The following EXO1 variants were observed in gnomAD, a reference collection of about 807,000 sequenced individuals.
EXO1 encodes exonuclease 1.
A neutral mutation model predicts 84.5 loss-of-function variants in EXO1; 69 were observed. The ratio of observed to expected loss-of-function variants is 0.82; its 90% CI spans 0.67 to 1.00. EXO1 has a LOEUF of 1.00. Ranked by LOEUF, EXO1 falls within the 50% of genes least tolerant of loss-of-function variation. The pLI, the probability that EXO1 is intolerant of heterozygous loss-of-function variation, is 0.00. For synonymous variants in EXO1, 373 were observed against 366.1 expected (o/e 1.02, Z -0.21); for missense variants, 1,045 against 1,000.7 (o/e 1.04, Z -0.60).
chr1:241,882,006 C>G lies in EXO1; in HGVS notation c.2200C>G (p.Leu734Val), dbSNP rs138213329. The G allele has an allele frequency of 1.3e-5, 20 of 1,497,722 alleles. No homozygotes were observed. In the African/African-American group the frequency reaches 2.2e-4, roughly 16 times the overall value. The allele number at this position is 1,497,722 out of a possible 1,614,324, so 92.8% of individuals were successfully genotyped here. Reference protein sequence around the residue: ...LSHFSKKDTPLRNKVPGLYKS... With the variant: ...LSHFSKKDTPVRNKVPGLYKS... ...TCATTTCTCAAAAAAAGACACACCT[C>G]TAAGGAACAAGGTAAAACATTTATT... Residue 734 changes from leucine to valine, a missense_variant, in exon 14 of 16, where the codon CTA (leucine) becomes GTA (valine). Leu to Val is a conservative substitution (Grantham distance 32). Coordinates refer to ENST00000366548, the MANE Select transcript of EXO1 (RefSeq NM_130398.4).
In EXO1 at chr1:241,852,389, G is replaced by T. The variant is rs770682554; in HGVS notation, c.259G>T (p.Glu87Ter). Reference sequence around the variant, plus strand: ...TGGATGTACTTTACCTTCTAAAAAGGAAGTAGAGAGATCTAGAAGAGAGTA... The same window carrying T: ...TGGATGTACTTTACCTTCTAAAAAGTAAGTAGAGAGATCTAGAAGAGAGTA... ...FDGCTLPSKK[E>*]VERSRRERRQ... is the part of the protein sequence containing the mutation. The change falls in exon 5 of 16, where the codon GAA becomes TAA. Residue 87 changes from glutamate to a stop codon, truncating the protein, a stop_gained. Coordinates refer to ENST00000366548, the MANE Select transcript of EXO1 (RefSeq NM_130398.4). LOFTEE classifies it high-confidence loss of function. The T allele has an allele frequency of 1.3e-6, 2 of 1,595,280 alleles. No individual in the cohort carries two copies. Among genetic ancestry groups the T allele is most frequent in the South Asian group, 2.2e-5 (2 of 90,696 alleles).
chr1:241,881,980 C>A lies in EXO1; in HGVS notation c.2174C>A (p.Ser725Tyr). The A allele has an allele frequency of 3.2e-6, 5 of 1,578,468 alleles. No homozygotes were observed. The highest frequency in any genetic ancestry group is 4.3e-6 in the Non-Finnish European group (5 of 1,149,578). Residue 725 changes from serine (S) to tyrosine (Y), a missense_variant, in exon 14 of 16, where the codon TCT becomes TAT. Physicochemically the swap from Ser to Tyr is moderately radical, Grantham distance 144 (BLOSUM62 -2). Transcript: ENST00000366548. ...GACCAGACCTCCAAGCTACGTTTAT[C>A]TCATTTCTCAAAAAAAGACACACCT... The part of the protein sequence containing the change: ...QSDQTSKLRL[S>Y]HFSKKDTPLR...
At chr1:241,860,378 T>G in intron 8 of EXO1, 139 bp from the exon 9 acceptor site, 1 of 697,488 alleles carries the variant, frequency 1.4e-6, no homozygotes. Context: ...ATGGTTGTGT[T>G]AGCTGGTAGA....
rs1662157167 is a variant in EXO1, at chr1:241,872,294, C to T, written c.1514+16C>T. 2 of 1,612,502 alleles carry T rather than the reference C, an allele frequency of 1.2e-6. No individual in the cohort carries two copies. Among genetic ancestry groups the T allele is most frequent in the African/African-American group, 1.3e-5 (1 of 74,842 alleles). ...CCAGAAGCAGGTATAGTTATGTCTC[C>T]AGAATGTTGATTGTCTGTTGTATTA... On this transcript the variant is annotated intron_variant, in intron 12 of 15. Coordinates refer to ENST00000366548, the MANE Select transcript of EXO1 (RefSeq NM_130398.4).
intron 9 of EXO1, 99 bp downstream of exon 9, chr1:241,860,803 AT>A: frequency 1.1e-6 from 1 of 940,266 alleles, no homozygotes; most frequent in Non-Finnish European, 1.7e-6. Flanking sequence ...CTTGCACATT[AT>A]TTTTTGCTCT....
chr1:241,860,944 A>G (rs1431225767), intron 9 of EXO1, among the ~76,000 whole-genome samples: 7 of 152,186 alleles, frequency 4.6e-5, no homozygotes, highest in Admixed American at 4.6e-4. Flanking sequence ...GACTGACAGT[A>G]GCATGCACAG....
intron 10 of EXO1, among the ~76,000 whole-genome samples, chr1:241,863,408 T>TA (rs201846231): frequency 0.012 from 1,098 of 94,178 alleles, 8 homozygotes; most frequent in African/African-American, 0.037. Context: ...GATTCCAGGC[T>TA]AAAAAAAAAA....
At chr1:241,870,580 G>T (rs1227872343) in intron 11 of EXO1, among the ~76,000 whole-genome samples, 1 of 152,168 alleles carries the variant, frequency 6.6e-6, no homozygotes, top group Non-Finnish European at 1.5e-5. Context: ...CTTGCAATCT[G>T]GCATTTTGCT....
At position 241,848,302 on chromosome 1, in the gene EXO1, C is replaced by G. The variant is rs1256637725; in HGVS notation, c.-471C>G. The G allele has an allele frequency of 1.3e-5, 2 of 152,490 alleles. No homozygotes were observed. Among genetic ancestry groups the G allele is most frequent in the African/African-American group, 2.4e-5 (1 of 41,466 alleles). 9.4% of individuals were successfully genotyped at this position (152,490 alleles called of 1,614,324 possible). A position where few individuals can be genotyped will look rare whatever the true frequency, so the allele number is the denominator to read the frequency against. On this transcript the variant is annotated 5_prime_UTR_variant, in exon 1 of 16. Coordinates refer to ENST00000366548, the MANE Select transcript of EXO1 (RefSeq NM_130398.4). The surrounding 1 kb of genome is among the most constrained non-coding windows in gnomAD (Gnocchi z 4.2). ...GTTAGGGGCGTCGGAGCGGGTTTCT[C>G]CAACCGCAATCGGCTCCGCTCAAGG...
At chr1:241,859,020 ACT>A (rs1033410917) in intron 8 of EXO1, among the ~76,000 whole-genome samples, 2 of 151,968 alleles carry the variant, frequency 1.3e-5, no homozygotes, top group Admixed American at 6.6e-5. Flanking sequence ...CTGTGCTATA[ACT>A]CTATAGTAGT....
intron 11 of EXO1, among the ~76,000 whole-genome samples, chr1:241,868,588 A>C (rs1446047552): frequency 6.6e-6 from 1 of 152,198 alleles, no homozygotes; most frequent in Non-Finnish European, 1.5e-5. Context: ...GGATCGCTCG[A>C]GCCTCAGAGT....
intron 11 of EXO1, among the ~76,000 whole-genome samples, chr1:241,869,602 T>A (rs930748274): frequency 4.6e-5 from 7 of 152,202 alleles, no homozygotes; most frequent in African/African-American, 1.7e-4. Context: ...CTTATGAACC[T>A]AAATGATTTT....
chr1:241,871,248 CTG>C (rs1662074093), intron 11 of EXO1, among the ~76,000 whole-genome samples: 1 of 152,158 alleles, frequency 6.6e-6, no homozygotes, highest in Admixed American at 6.5e-5. Flanking sequence ...TTTTAAAAAT[CTG>C]TGCCTTTTAA....
chr1:241,889,922 T>C lies in EXO1; in HGVS notation c.*322T>C, dbSNP rs567238891. On this transcript the variant is annotated 3_prime_UTR_variant, in exon 16 of 16. Transcript: ENST00000366548. ...GTAATGTTGTCAAGTAGAAAGATAG[T>C]AAATGGAGAAACTACAATCCTAGAG... 3.1e-6 allele frequency: 1 copy of C among 326,252 alleles called. No individual in the cohort carries two copies. The highest frequency in any genetic ancestry group is 2.9e-5 in the South Asian group (1 of 34,356). 20.2% of individuals were successfully genotyped at this position (326,252 alleles called of 1,614,324 possible).
intron 6 of EXO1, among the ~76,000 whole-genome samples, chr1:241,855,641 G>C (rs954767785): frequency 2.0e-5 from 3 of 152,218 alleles, no homozygotes; most frequent in Non-Finnish European, 4.4e-5. Context: ...GGTGGTGCTC[G>C]TTGGGGAGGC....
rs755709932 is a variant in EXO1 at position 241,853,438 on chromosome 1, G to A, written c.362G>A (p.Arg121Gln). The change falls in exon 6 of 16, where the codon CGG becomes CAG. Residue 121 changes from arginine to glutamine, a missense_variant. Coordinates refer to ENST00000366548, the MANE Select transcript of EXO1 (RefSeq NM_130398.4). Reference protein sequence around the residue: ...KVSEARECFTRSINITHAMAH... With the variant: ...KVSEARECFTQSINITHAMAH... ...TCGGAAGCTCGAGAGTGTTTCACCC[G>A]GTCTATCAATATCACACATGCCATG... 9.9e-6 allele frequency: 16 copies of A among 1,613,766 alleles called. No individual in the cohort carries two copies. The highest frequency in any genetic ancestry group is 1.3e-5 in the Non-Finnish European group (15 of 1,179,934).
chr1:241,861,183 G>C (rs886416775), intron 9 of EXO1, among the ~76,000 whole-genome samples: 3 of 152,252 alleles, frequency 2.0e-5, no homozygotes, highest in Non-Finnish European at 4.4e-5. Flanking sequence ...GGGAGTCAGT[G>C]ATGGCCTGGG....
chr1:241,869,030 G>A (rs1215566095), intron 11 of EXO1, among the ~76,000 whole-genome samples: 2 of 152,144 alleles, frequency 1.3e-5, no homozygotes, highest in African/African-American at 4.8e-5. Context: ...TGTCACCTAT[G>A]AATAAAGACA....
At chr1:241,858,870 C>T in intron 8 of EXO1, 152 bp downstream of exon 8, 1 of 674,432 alleles carries the variant, frequency 1.5e-6, no homozygotes. Flanking sequence ...AGAACTTTGC[C>T]TTAGCAACTA....
Sources: gnomAD v4.1 joint callset for allele counts (sites outside exome capture counted in the v4.1 genomes callset) on GRCh38, gnomAD v4.1.1 for gene constraint, Gnocchi (gnomAD v3.1) non-coding constraint, MANE v1.5 for transcripts, NCBI Gene and HGNC (gene_info 2026-07-23, HGNC 2026-07-21) for gene names.